The following IL7 variants were observed in gnomAD, a reference collection of about 807,000 sequenced individuals.
IL7 encodes the protein interleukin-7.
Under a neutral mutation model 21.6 loss-of-function variants are expected in IL7, and 3 were observed. That is an observed-to-expected ratio of 0.14 (90% CI 0.06 to 0.36). The LOEUF (loss-of-function observed/expected upper bound fraction) is 0.36. Ranked by LOEUF, IL7 falls within the 10% of genes least tolerant of loss-of-function variation. The pLI is 1.00. For missense variants in IL7, 175 were observed against 200.2 expected (o/e 0.87, Z 0.76); for synonymous variants, 62 against 68.1 (o/e 0.91, Z 0.44).
chr8:78,753,245 T>C (rs889558206), intron 2 of IL7, among the ~76,000 whole-genome samples: 3 of 152,184 alleles, frequency 2.0e-5, no homozygotes, highest in Non-Finnish European at 2.9e-5. Flanking sequence ...CCAGCATCTG[T>C]TGTTTCCTGA....
chr8:78,796,937 A>G (rs1418084511), intron 2 of IL7, among the ~76,000 whole-genome samples: 1 of 152,008 alleles, frequency 6.6e-6, no homozygotes, highest in Admixed American at 6.6e-5. Flanking sequence ...GTCCACACAA[A>G]ACCCTGCACG....
intron 3 of IL7, among the ~76,000 whole-genome samples, chr8:78,709,085 C>T (rs188398746): frequency 1.1e-3 from 172 of 152,290 alleles, no homozygotes; most frequent in African/African-American, 3.1e-3. Flanking sequence ...ACCTTATTAC[C>T]AGTTTAAATG....
intron 3 of IL7, among the ~76,000 whole-genome samples, chr8:78,687,494 TTATA>T (rs1563626474): frequency 2.1e-5 from 3 of 143,152 alleles, no homozygotes; most frequent in Non-Finnish European, 4.5e-5. Flanking sequence ...TTATATATGT[TTATA>T]TAATAAATTA....
chr8:78,728,563 C>A (rs1220277662), downstream of IL7, among the ~76,000 whole-genome samples: 2 of 151,986 alleles, frequency 1.3e-5, no homozygotes, highest in Non-Finnish European at 2.9e-5. Flanking sequence ...ACTTGGATAT[C>A]CATATGCATA....
intron 2 of IL7, chr8:78,747,023 A>T (rs887466849): frequency 1.1e-5 from 5 of 456,460 alleles, no homozygotes; most frequent in African/African-American, 1.0e-4. Flanking sequence ...CTAGCAAACG[A>T]ATGTCTAATT....
intron 3 of IL7, among the ~76,000 whole-genome samples, chr8:78,695,615 G>A (rs984143752): frequency 6.6e-6 from 1 of 151,948 alleles, no homozygotes; most frequent in Non-Finnish European, 1.5e-5. Flanking sequence ...TTTCCCTATT[G>A]CTATAATTTT....
downstream of IL7, chr8:78,715,126 C>A: frequency 9.4e-7 from 1 of 1,062,694 alleles, no homozygotes; most frequent in Non-Finnish European, 1.3e-6. Context: ...TTCTCTGAAG[C>A]TTCTAAGTAT....
chr8:78,697,475 G>T (rs750516008), intron 3 of IL7: 1 of 1,608,626 alleles, frequency 6.2e-7, no homozygotes, highest in Non-Finnish European at 8.5e-7. Context: ...CACGATTACC[G>T]CAGCCAAGTG....
chr8:78,698,323 T>G (rs1586013174), intron 3 of IL7: 2 of 1,072,620 alleles, frequency 1.9e-6, no homozygotes, highest in East Asian at 5.3e-5. Flanking sequence ...TTGCAAAGAT[T>G]ATTACTAAAG....
At chr8:78,736,232 A>T (rs1401422982) in intron 5 of IL7, among the ~76,000 whole-genome samples, 1 of 64,594 alleles carries the variant, frequency 1.5e-5, no homozygotes, top group Admixed American at 1.3e-4. Flanking sequence ...GCTTCTTCTA[A>T]AAAAAAAAAA....
At chr8:78,675,125 G>A (rs1809540363), downstream of IL7, among the ~76,000 whole-genome samples, 1 of 151,080 alleles carries the variant, frequency 6.6e-6, no homozygotes, top group Non-Finnish European at 1.5e-5. Context: ...TTACATGATA[G>A]TTATATTAAT....
downstream of IL7, among the ~76,000 whole-genome samples, chr8:78,675,181 T>TTATTTA (rs1809541964): frequency 6.6e-6 from 1 of 151,702 alleles, no homozygotes; most frequent in Non-Finnish European, 1.5e-5. Flanking sequence ...TTTATTTAAT[T>TTATTTA]TTGTTTGTAA....
At position 78,804,898 on chromosome 8, in the gene IL7, G is replaced by C; in HGVS notation, c.10+15C>G. The C allele has an allele frequency of 1.2e-6, 2 of 1,613,138 alleles. No homozygotes were observed. Among genetic ancestry groups the C allele is most frequent in the Non-Finnish European group, 1.7e-6 (2 of 1,179,438 alleles). Reference sequence around the variant, plus strand: ...CGGGCGCGCGAACTTGTGCGCAAGGGAGAAGAGCGCTTACCATGGAACATG... The same window carrying C: ...CGGGCGCGCGAACTTGTGCGCAAGGCAGAAGAGCGCTTACCATGGAACATG... On this transcript the variant is annotated intron_variant, in intron 1 of 5. Coordinates refer to ENST00000263851, the MANE Select transcript of IL7 (RefSeq NM_000880.4).
intron 3 of IL7, among the ~76,000 whole-genome samples, chr8:78,692,924 T>C (rs984699533): frequency 2.0e-5 from 3 of 152,072 alleles, no homozygotes; most frequent in African/African-American, 7.2e-5. Flanking sequence ...ATGTTCCCTT[T>C]CCTGTGTCCA....
chr8:78,786,219 C>T (rs1019387249), intron 2 of IL7, among the ~76,000 whole-genome samples: 1 of 152,150 alleles, frequency 6.6e-6, no homozygotes, highest in East Asian at 1.9e-4. Flanking sequence ...CTATTACATA[C>T]CTAGGCTATA....
intron 2 of IL7, among the ~76,000 whole-genome samples, chr8:78,755,101 T>G (rs971715868): frequency 1.3e-5 from 2 of 152,070 alleles, no homozygotes; most frequent in African/African-American, 2.4e-5. Flanking sequence ...CATTTTCCCA[T>G]GTATGTTCTT....
chr8:78,711,483 A>T (rs991386337), intron 3 of IL7, among the ~76,000 whole-genome samples: 5 of 152,034 alleles, frequency 3.3e-5, no homozygotes, highest in Non-Finnish European at 7.4e-5. Context: ...ACATTTCAGA[A>T]ATAAAGTCAC....
downstream of IL7, chr8:78,675,733 A>C (rs1809557057): frequency 6.9e-7 from 1 of 1,443,380 alleles, no homozygotes; most frequent in Non-Finnish European, 9.5e-7. Context: ...TAAAATGTGA[A>C]GTTTCACAAT....
rs1210130835 is a variant in IL7, at chr8:78,700,318, G to GT, written n.215-14372dup. Among the ~76,000 whole-genome samples the GT allele has an allele frequency of 6.6e-5, 10 of 151,022 alleles. No homozygotes were observed. The South Asian group carries it at 1.5e-3, about 22-fold the overall frequency. ...TGTCCACTTTTTAATGGGATTGTTTGTTTTTTTTCTTGTAAGTTTCTTTTT... is the reference window on the plus strand; with the variant it reads ...TGTCCACTTTTTAATGGGATTGTTTGTTTTTTTTTCTTGTAAGTTTCTTTTT... On this transcript the variant is annotated intron_variant and non_coding_transcript_variant, in intron 3 of 4. Coordinates refer to the IL7 transcript ENST00000523959.
Sources: gnomAD v4.1 joint callset for allele counts (sites outside exome capture counted in the v4.1 genomes callset) on GRCh38, gnomAD v4.1.1 for gene constraint, MANE v1.5 for transcripts, NCBI Gene and HGNC (gene_info 2026-07-23, HGNC 2026-07-21) for gene names.